OVOL3: variants seen among roughly 807,000 people sequenced by gnomAD.
OVOL3 encodes ovo like zinc finger 3.
OVOL3 carries 15 observed loss-of-function variants against 13.6 expected under a neutral mutation model. The observed-to-expected ratio is 1.11, with a 90% CI of 0.74 to 1.70. The LOEUF is 1.70. OVOL3 is among the 40% of genes most tolerant of loss of function. The probability of loss-of-function intolerance (pLI) is 0.00; values close to 1 mark genes in which losing one functional copy is unlikely to be tolerated. For synonymous variants in OVOL3, 102 were observed against 108.5 expected, an observed-to-expected ratio of 0.94 and a Z score of 0.37; for missense variants, 290 against 280.6, an observed-to-expected ratio of 1.03 and a Z score of -0.24.
chr19:36,112,783 C>G lies in OVOL3; in HGVS notation c.183C>G (p.Thr61=). The G allele has an allele frequency of 6.5e-6, 10 of 1,534,728 alleles. No homozygotes were observed. The highest frequency in any genetic ancestry group is 8.7e-6 in the Non-Finnish European group (10 of 1,146,666). The part of the protein sequence containing the change: ...WTAQPTQGNL[T]SAPRGPGTLG... ...AGCAGCCCACACAGGGCAACCTGAC[C>G]TCTGCTCCCAGGGGCCCTGGGACGC... The change falls in exon 3 of 4, where the codon ACC becomes ACG. Residue 61 remains threonine, a synonymous_variant. Coordinates refer to ENST00000633214, the MANE Select transcript of OVOL3 (RefSeq NM_001302757.2).
rs1973880335 is a variant in OVOL3 at position 36,113,584 on chromosome 19, G to A, written c.496G>A (p.Val166Met). 6.5e-6 allele frequency: 10 copies of A among 1,539,070 alleles called. No homozygotes were observed. Among genetic ancestry groups the A allele is most frequent in the African/African-American group, 1.4e-5 (1 of 73,048 alleles). ...AYRERREKLH[V>M]CEDCGFTSSR... ...CCGTGAGCGCCGCGAGAAGCTGCACGTGTGCGAGGACTGCGGCTTCACCAG... is the reference window on the plus strand; with the variant it reads ...CCGTGAGCGCCGCGAGAAGCTGCACATGTGCGAGGACTGCGGCTTCACCAG... Residue 166 changes from valine (V) to methionine (M), a missense_variant, in exon 4 of 4, where the codon GTG becomes ATG. Val to Met is a conservative substitution (Grantham distance 21). Transcript: ENST00000633214.
At chr19:36,111,485 C>G in intron 2 of OVOL3, 52 bp downstream of exon 2, 2 of 1,519,108 alleles carry the variant, frequency 1.3e-6, no homozygotes, top group Non-Finnish European at 1.8e-6. Flanking sequence ...TGCCTGCTCT[C>G]AGCCTTAATG....
intron 2 of OVOL3, chr19:36,111,877 C>T: frequency 2.2e-6 from 1 of 458,030 alleles, no homozygotes; most frequent in Non-Finnish European, 4.4e-6. Flanking sequence ...AGACAAAAAT[C>T]CACAATTTTA....
In OVOL3 at chr19:36,113,495, C is replaced by T; in HGVS notation, c.407C>T (p.Thr136Met). 1 of 1,536,106 alleles carries T rather than the reference C, an allele frequency of 6.5e-7. No homozygotes were observed. The highest frequency in any genetic ancestry group is 8.7e-7 in the Non-Finnish European group (1 of 1,146,842). The change falls in exon 4 of 4, where the codon ACG (threonine) becomes ATG (methionine). Residue 136 changes from threonine (T) to methionine (M), a missense_variant. Thr to Met is a moderately conservative substitution (Grantham distance 81). Coordinates refer to ENST00000633214, the MANE Select transcript of OVOL3 (RefSeq NM_001302757.2). ...TGCAGTGCTTGCGGGAAAGCGTTTA[C>T]GCAGCGCTGCTCCCTGGAAGCTCAC... The part of the protein sequence containing the change: ...FRCSACGKAF[T>M]QRCSLEAHLA...
Position 36,111,376 on chromosome 19 carries a change from C to A in OVOL3, c.102C>A (p.Ser34Arg), listed in dbSNP as rs1248182949. Residue 34 changes from serine to arginine, a missense_variant, in exon 2 of 4, where the codon AGC becomes AGA. Transcript: ENST00000633214. The stretch of plus-strand genomic sequence containing the variant: ...TCTGGCTTTTCTCCTCAGACTGCAG[C>A]AGCCTGGGGGGGCCACCGGCACAAC... ...LRGDAYIPDCSSLGGPPAQQS... is the reference protein window; with the variant it reads ...LRGDAYIPDCRSLGGPPAQQS... The A allele has an allele frequency of 2.0e-6, 3 of 1,535,890 alleles. No homozygotes were observed. The highest frequency in any genetic ancestry group is 2.4e-5 in the East Asian group (1 of 40,914).
intron 2 of OVOL3, 74 bp downstream of exon 2, chr19:36,111,507 C>T: frequency 7.0e-7 from 1 of 1,435,960 alleles, no homozygotes; most frequent in Non-Finnish European, 9.5e-7. Flanking sequence ...AGCTGACAGC[C>T]CCTTGCTCCC....
Position 36,112,791 on chromosome 19 carries a change from C to T in OVOL3, c.191C>T (p.Pro64Leu). 1.3e-6 allele frequency: 2 copies of T among 1,534,942 alleles called. No individual in the cohort carries two copies. The highest frequency in any genetic ancestry group is 2.4e-5 in the East Asian group (1 of 40,900). Residue 64 changes from proline (P) to leucine (L), a missense_variant, in exon 3 of 4, where the codon CCC (proline) becomes CTC (leucine). Coordinates refer to ENST00000633214, the MANE Select transcript of OVOL3 (RefSeq NM_001302757.2). Reference protein sequence around the residue: ...QPTQGNLTSAPRGPGTLGCPL... With the variant: ...QPTQGNLTSALRGPGTLGCPL... ...ACACAGGGCAACCTGACCTCTGCTC[C>T]CAGGGGCCCTGGGACGCTGGGCTGC...
At position 36,112,934 on chromosome 19, in the gene OVOL3, G is replaced by A. The variant is rs543503009; in HGVS notation, c.334G>A (p.Asp112Asn). 6 of 1,536,330 alleles carry A rather than the reference G, an allele frequency of 3.9e-6. No homozygotes were observed. Among genetic ancestry groups the A allele is most frequent in the Admixed American group, 3.9e-5 (2 of 51,004 alleles). The part of the protein sequence containing the change: ...CCGKGFHDAF[D>N]LKRHMRTHTG... ...TGGCAAGGGCTTTCATGACGCCTTC[G>A]ATCTCAAGCGCCACATGAGGACTCA... Residue 112 changes from aspartate to asparagine, a missense_variant, in exon 3 of 4, where the codon GAT becomes AAT. By Grantham distance (23) the Asp-to-Asn change is conservative. Coordinates refer to ENST00000633214, the MANE Select transcript of OVOL3 (RefSeq NM_001302757.2).
chr19:36,111,966 C>T (rs1054520703), intron 2 of OVOL3, among the ~76,000 whole-genome samples: 4 of 152,100 alleles, frequency 2.6e-5, no homozygotes, highest in African/African-American at 4.8e-5. Flanking sequence ...TTTGGGAGGC[C>T]GAGGCGGGTG....
Position 36,112,756 on chromosome 19 carries a change from C to A in OVOL3, c.160-4C>A. 1 of 1,532,870 alleles carries A rather than the reference C, an allele frequency of 6.5e-7. No homozygotes were observed. The highest frequency in any genetic ancestry group is 8.7e-7 in the Non-Finnish European group (1 of 1,145,740). The allele number at this position is 1,532,870 out of a possible 1,614,324, so 95.0% of individuals were successfully genotyped here. A position where few individuals can be genotyped will look rare whatever the true frequency, so the allele number is the denominator to read the frequency against. On this transcript the variant is annotated splice_region_variant and splice_polypyrimidine_tract_variant and intron_variant, in intron 2 of 3. Coordinates refer to ENST00000633214, the MANE Select transcript of OVOL3 (RefSeq NM_001302757.2). ...AGAGGCTAATAACTCCTGCATCCCT[C>A]CAGCAGCCCACACAGGGCAACCTGA...
In OVOL3 at chr19:36,112,982, CAG is replaced by C; in HGVS notation, c.364+19_364+20del. ...TCACACTGGTGAGCAGTGGCAGGGA[CAG>C]GGAAAAGTTGCTGGGCCCCAGGTGG... On this transcript the variant is annotated intron_variant, in intron 3 of 3. Coordinates refer to ENST00000633214, the MANE Select transcript of OVOL3 (RefSeq NM_001302757.2). 1 of 1,532,758 alleles carries C rather than the reference CAG, an allele frequency of 6.5e-7. No homozygotes were observed. The highest frequency in any genetic ancestry group is 2.4e-5 in the East Asian group (1 of 40,818). 94.9% of individuals were successfully genotyped at this position (1,532,758 alleles called of 1,614,324 possible). A position where few individuals can be genotyped will look rare whatever the true frequency, so the allele number is the denominator to read the frequency against.
intron 2 of OVOL3, 92 bp from the exon 3 acceptor site, chr19:36,112,668 G>T: frequency 8.3e-7 from 1 of 1,199,744 alleles, no homozygotes; most frequent in South Asian, 1.5e-5. Flanking sequence ...CCTCCGTGGT[G>T]GCTCAGGACA....
At chr19:36,112,263 T>C (rs1295288226) in intron 2 of OVOL3, among the ~76,000 whole-genome samples, 2 of 152,138 alleles carry the variant, frequency 1.3e-5, no homozygotes, top group African/African-American at 4.8e-5. Context: ...CTCATGCCTG[T>C]AATCCCAGCA....
At chr19:36,112,678 ACT>A (rs1408951586) in intron 2 of OVOL3, 80 bp from the exon 3 acceptor site, 11 of 1,298,974 alleles carry the variant, frequency 8.5e-6, no homozygotes, top group Non-Finnish European at 1.2e-5. Context: ...GGCTCAGGAC[ACT>A]CTGTAAATAC....
intron 2 of OVOL3, chr19:36,111,792 C>T (rs747468025): frequency 2.0e-4 from 98 of 492,276 alleles, no homozygotes; most frequent in Non-Finnish European, 3.2e-4. Context: ...GGAAGGAAAG[C>T]GCCAGCCGGA....
chr19:36,111,698 T>C (rs577150826), intron 2 of OVOL3: 1 of 634,558 alleles, frequency 1.6e-6, no homozygotes, highest in East Asian at 3.2e-5. Context: ...CACATGTGGA[T>C]GATCCGCTTT....
In OVOL3 at chr19:36,113,599, G is replaced by C; in HGVS notation, c.511G>C (p.Gly171Arg). The change falls in exon 4 of 4, where the codon GGC becomes CGC. Residue 171 changes from glycine (G) to arginine (R), a missense_variant. By Grantham distance (125) the Gly-to-Arg change is moderately radical (BLOSUM62 -2). Transcript: ENST00000633214. ...GAAGCTGCACGTGTGCGAGGACTGC[G>C]GCTTCACCAGCTCCCGGCCCGACAC... ...REKLHVCEDC[G>R]FTSSRPDTYA... 1 of 1,540,994 alleles carries C rather than the reference G, an allele frequency of 6.5e-7. No individual in the cohort carries two copies. The highest frequency in any genetic ancestry group is 8.7e-7 in the Non-Finnish European group (1 of 1,146,910).
chr19:36,112,850 A>G lies in OVOL3; in HGVS notation c.250A>G (p.Met84Val). Residue 84 changes from methionine to valine, a missense_variant, in exon 3 of 4, where the codon ATG becomes GTG. Coordinates refer to ENST00000633214, the MANE Select transcript of OVOL3 (RefSeq NM_001302757.2). Reference protein sequence around the residue: ...LCPKAFPLQRMLTRHLKCHSP... With the variant: ...LCPKAFPLQRVLTRHLKCHSP... ...CCCTAAGGCCTTCCCTCTGCAGCGCATGCTGACAAGGCACCTCAAGTGCCA... is the reference window on the plus strand; with the variant it reads ...CCCTAAGGCCTTCCCTCTGCAGCGCGTGCTGACAAGGCACCTCAAGTGCCA... 1 of 1,536,096 alleles carries G rather than the reference A, an allele frequency of 6.5e-7. No homozygotes were observed. The highest frequency in any genetic ancestry group is 8.7e-7 in the Non-Finnish European group (1 of 1,146,914).
intron 2 of OVOL3, 44 bp downstream of exon 2, chr19:36,111,477 C>G (rs768060870): frequency 6.6e-7 from 1 of 1,523,800 alleles, no homozygotes; most frequent in South Asian, 1.2e-5. Context: ...TTCGCTCCTG[C>G]CTGCTCTCAG....
Sources: gnomAD v4.1 joint callset for allele counts (sites outside exome capture counted in the v4.1 genomes callset) on GRCh38, gnomAD v4.1.1 for gene constraint, MANE v1.5 for transcripts, NCBI Gene and HGNC (gene_info 2026-07-23, HGNC 2026-07-21) for gene names.